Variants in SRGAP3 observed in about 807,000 individuals in gnomAD.
SRGAP3 encodes the protein SLIT-ROBO Rho GTPase-activating protein 3.
Under a neutral mutation model 121.1 loss-of-function variants are expected in SRGAP3, and 39 were observed. The observed-to-expected ratio is 0.32, with a 90% CI of 0.25 to 0.42. The LOEUF is 0.42. SRGAP3 is among the 10% of genes least tolerant of loss of function. The pLI, the probability that SRGAP3 is intolerant of heterozygous loss-of-function variation, is 1.00. For missense variants in SRGAP3, 1,213 were observed against 1,470.6 expected (o/e 0.82, Z 2.86); for synonymous variants, 601 against 570.0 (o/e 1.05, Z -0.77).
chr3:9,006,410 A>AAAAAAGAAAAG (rs1559892466), intron 18 of SRGAP3, among the ~76,000 whole-genome samples: 5 of 151,434 alleles, frequency 3.3e-5, no homozygotes, highest in African/African-American at 7.3e-5. Flanking sequence ...AAAAAAAAAA[A>AAAAAAGAAAAG]AAAAGAAAAG....
intron 5 of SRGAP3, 47 bp from the exon 6 acceptor site, chr3:9,060,406 C>T (rs753322307): frequency 3.4e-5 from 50 of 1,469,986 alleles, no homozygotes; most frequent in East Asian, 7.3e-5. Context: ...TTTAAGAGGA[C>T]GGGGTTTGTG....
chr3:9,094,615 T>G (rs76603742), intron 3 of SRGAP3, among the ~76,000 whole-genome samples: 1 of 152,156 alleles, frequency 6.6e-6, no homozygotes, highest in Admixed American at 6.5e-5. Context: ...GTCCTGAGGC[T>G]CCACATTCTT....
chr3:9,337,096 G>C (rs966456117), intron 1 of SRGAP3, among the ~76,000 whole-genome samples: 1 of 152,138 alleles, frequency 6.6e-6, no homozygotes, highest in East Asian at 1.9e-4. Context: ...CAAAAAGGCA[G>C]GAAAAAGCTG....
intron 1 of SRGAP3, among the ~76,000 whole-genome samples, chr3:9,140,358 T>C (rs994480004): frequency 6.6e-6 from 1 of 152,102 alleles, no homozygotes; most frequent in Non-Finnish European, 1.5e-5. Flanking sequence ...ATGACAAAAG[T>C]AGGTTACAAA....
In SRGAP3 at chr3:9,181,388, C is replaced by T. The variant is rs150975729; in HGVS notation, c.68-56471G>A. The stretch of plus-strand genomic sequence containing the variant: ...ACAAACTTAGCTACTTAACACAACA[C>T]AAGTTTATTATCTCACCGTTCTGTA... On this transcript the variant is annotated intron_variant, in intron 1 of 21. Transcript: ENST00000383836. 4.6e-3 allele frequency among the ~76,000 whole-genome samples: 700 copies of T among 152,316 alleles called. 19 individuals are homozygous for T. The highest frequency in any genetic ancestry group is 3.2e-3 in the Non-Finnish European group (221 of 68,028).
intron 1 of SRGAP3, among the ~76,000 whole-genome samples, chr3:9,150,062 C>G (rs1014080978): frequency 1.3e-5 from 2 of 152,110 alleles, no homozygotes; most frequent in Non-Finnish European, 2.9e-5. Flanking sequence ...TGACAAGCAA[C>G]TGTAATCCAG....
intron 13 of SRGAP3, among the ~76,000 whole-genome samples, chr3:9,026,520 G>A (rs1944208401): frequency 6.6e-6 from 1 of 152,138 alleles, no homozygotes; most frequent in African/African-American, 2.4e-5. Context: ...TATTAGGTTG[G>A]TGCAAAAGTA....
intron 4 of SRGAP3, among the ~76,000 whole-genome samples, chr3:9,078,642 A>G (rs1290630925): frequency 1.3e-5 from 2 of 152,192 alleles, no homozygotes; most frequent in Non-Finnish European, 1.5e-5. Flanking sequence ...CTAAGCAGGT[A>G]CTAGTATTTC....
At chr3:9,171,212 G>C (rs151165834) in intron 1 of SRGAP3, among the ~76,000 whole-genome samples, 1 of 152,344 alleles carries the variant, frequency 6.6e-6, no homozygotes, top group Non-Finnish European at 1.5e-5. Context: ...AAAGAATTAA[G>C]ACAACGTGTT....
intron 3 of SRGAP3, among the ~76,000 whole-genome samples, chr3:9,262,821 A>C (rs1014300116): frequency 6.6e-6 from 1 of 152,112 alleles, no homozygotes; most frequent in African/African-American, 2.4e-5. Context: ...ACAAAACAGA[A>C]AATTAACAAG....
At chr3:9,149,914 G>C (rs956508775) in intron 1 of SRGAP3, among the ~76,000 whole-genome samples, 2 of 152,188 alleles carry the variant, frequency 1.3e-5, no homozygotes, top group Non-Finnish European at 2.9e-5. Flanking sequence ...GCCAGCCATG[G>C]CTCCATCCAT....
intron 2 of SRGAP3, among the ~76,000 whole-genome samples, chr3:9,120,392 C>T (rs1167087044): frequency 6.6e-6 from 1 of 152,234 alleles, no homozygotes; most frequent in Non-Finnish European, 1.5e-5. Context: ...TACCAACTAC[C>T]AGGCCTCCCC....
chr3:9,346,150 T>G (rs1955887481), intron 1 of SRGAP3, among the ~76,000 whole-genome samples: 1 of 152,178 alleles, frequency 6.6e-6, no homozygotes, highest in Non-Finnish European at 1.5e-5. Flanking sequence ...ACTGCACATG[T>G]GAAAACACAG....
At chr3:9,152,430 T>G (rs1950243299) in intron 1 of SRGAP3, among the ~76,000 whole-genome samples, 1 of 152,188 alleles carries the variant, frequency 6.6e-6, no homozygotes. Flanking sequence ...TCTCTAACAT[T>G]TGAACCAAGA....
At chr3:9,169,853 G>T (rs554246668) in intron 1 of SRGAP3, among the ~76,000 whole-genome samples, 1 of 152,202 alleles carries the variant, frequency 6.6e-6, no homozygotes, top group South Asian at 2.1e-4. Context: ...GGGGGGAAAA[G>T]CCTTGGAAGT....
intron 1 of SRGAP3, among the ~76,000 whole-genome samples, chr3:9,185,068 T>TA (rs912528754): frequency 2.0e-5 from 3 of 152,092 alleles, no homozygotes; most frequent in Non-Finnish European, 4.4e-5. Flanking sequence ...TCTAAAACTA[T>TA]AAAAAATTAG....
intron 1 of SRGAP3, among the ~76,000 whole-genome samples, chr3:9,248,091 CA>C (rs1315683987): frequency 6.6e-6 from 1 of 152,260 alleles, no homozygotes; most frequent in African/African-American, 2.4e-5. Flanking sequence ...AACCAGCAGC[CA>C]GAGGTCATCT....
chr3:8,986,408 G>A lies in SRGAP3; in HGVS notation c.2887-476C>T, dbSNP rs116287612. 6.9e-3 allele frequency among the ~76,000 whole-genome samples: 1,050 copies of A among 152,302 alleles called. 11 individuals carry two copies. Among genetic ancestry groups the A allele is most frequent in the African/African-American group, 0.024 (984 of 41,570 alleles). On this transcript the variant is annotated intron_variant, in intron 21 of 21. Coordinates refer to ENST00000383836, the MANE Select transcript of SRGAP3 (RefSeq NM_014850.4). ...GCACTCAAAAATACGAATGACAATA[G>A]CAATAGCAATAATAGCTAACACTGA...
chr3:9,086,592 T>C (rs1032642339), intron 3 of SRGAP3, among the ~76,000 whole-genome samples: 1 of 149,796 alleles, frequency 6.7e-6, no homozygotes, highest in African/African-American at 2.5e-5. Context: ...TGTGTGTATA[T>C]ATATAGGTAC....
Sources: gnomAD v4.1 joint callset for allele counts (sites outside exome capture counted in the v4.1 genomes callset) on GRCh38, gnomAD v4.1.1 for gene constraint, MANE v1.5 for transcripts, NCBI Gene and HGNC (gene_info 2026-07-23, HGNC 2026-07-21) for gene names.